The following SLC68A1 variants were observed in gnomAD, a reference collection of about 807,000 sequenced individuals.
SLC68A1 encodes major facilitator superfamily domain containing 13A.
At chr10:102,467,554 G>A in the SLC68A1 span, among the ~76,000 whole-genome samples, 1 of 152,176 alleles carries the variant, frequency 6.6e-6, no homozygotes, top group Admixed American at 6.5e-5. Context: ...TTCTTCAGGG[G>A]GTTCAAGGGC....
chr10:102,468,049 C>G, the SLC68A1 span, among the ~76,000 whole-genome samples: 1 of 151,640 alleles, frequency 6.6e-6, no homozygotes, highest in East Asian at 1.9e-4. Flanking sequence ...AAAAAAATGC[C>G]TGTCCTCACC....
chr10:102,475,649 C>G, the SLC68A1 span: 2 of 1,507,510 alleles, frequency 1.3e-6, no homozygotes, highest in South Asian at 2.6e-5. Context: ...GATGTCACAC[C>G]ATAGACTTGG....
chr10:102,476,009 G>A, the SLC68A1 span: 1 of 1,465,790 alleles, frequency 6.8e-7, no homozygotes, highest in African/African-American at 1.4e-5. Context: ...TCACCCCACT[G>A]AGGATGCTGC....
the SLC68A1 span, among the ~76,000 whole-genome samples, chr10:102,467,614 G>A: frequency 6.6e-6 from 1 of 152,084 alleles, no homozygotes; most frequent in Non-Finnish European, 1.5e-5. Flanking sequence ...GATCACTGTG[G>A]CCCACGGGGG....
the SLC68A1 span, chr10:102,475,834 C>G: frequency 6.2e-7 from 1 of 1,614,104 alleles, no homozygotes; most frequent in Non-Finnish European, 8.5e-7. Flanking sequence ...AGGGCTGCTT[C>G]TACCTGCTGG....
the SLC68A1 span, chr10:102,472,863 T>TGCCACTTCAACA: frequency 6.2e-7 from 1 of 1,614,126 alleles, no homozygotes; most frequent in Non-Finnish European, 8.5e-7. Context: ...GGTCTTCCAC[T>TGCCACTTCAACA]GCCACTTCAA....
At chr10:102,465,114 C>T in the SLC68A1 span, among the ~76,000 whole-genome samples, 46 of 152,166 alleles carry the variant, frequency 3.0e-4, no homozygotes, top group African/African-American at 1.1e-3. Context: ...AAAAATTTGC[C>T]GAGTGTGGTG....
the SLC68A1 span, chr10:102,469,191 C>T: frequency 9.2e-5 from 148 of 1,613,186 alleles, no homozygotes; most frequent in South Asian, 1.9e-4. Context: ...CCTTCTGGGT[C>T]GGAGAGGTAG....
the SLC68A1 span, chr10:102,475,766 G>A: frequency 9.9e-6 from 16 of 1,613,446 alleles, no homozygotes; most frequent in African/African-American, 1.3e-5. Context: ...TGTGGGGAGT[G>A]CCCATCCCTG....
the SLC68A1 span, chr10:102,473,997 C>T: frequency 4.4e-6 from 7 of 1,605,640 alleles, no homozygotes; most frequent in Non-Finnish European, 5.9e-6. Flanking sequence ...CACCTGGCTG[C>T]TCTGTTTCTA....
chr10:102,464,320 G>A, the SLC68A1 span, among the ~76,000 whole-genome samples: 7 of 152,024 alleles, frequency 4.6e-5, no homozygotes, highest in Admixed American at 6.6e-5. Flanking sequence ...GCATGGTGGC[G>A]CACGCCTGTG....
the SLC68A1 span, among the ~76,000 whole-genome samples, chr10:102,465,472 A>T: frequency 6.6e-6 from 1 of 151,796 alleles, no homozygotes; most frequent in African/African-American, 2.4e-5. Context: ...TCCACGTAGC[A>T]GGCACTTGGC....
At chr10:102,464,817 A>AAAAG in the SLC68A1 span, among the ~76,000 whole-genome samples, 16 of 146,564 alleles carry the variant, frequency 1.1e-4, 1 homozygote, top group South Asian at 3.5e-3. Context: ...AGGAAAAAGA[A>AAAAG]AAAGAAAATG....
chr10:102,465,393 C>A, the SLC68A1 span, among the ~76,000 whole-genome samples: 3 of 152,244 alleles, frequency 2.0e-5, no homozygotes, highest in South Asian at 6.2e-4. Flanking sequence ...CCACTGCACT[C>A]CAGCCTGCGT....
the SLC68A1 span, chr10:102,473,805 T>C: frequency 6.2e-7 from 1 of 1,607,902 alleles, no homozygotes; most frequent in Non-Finnish European, 8.5e-7. Flanking sequence ...GCCTGCTCTC[T>C]CCCTCTACTG....
At chr10:102,468,683 C>T in the SLC68A1 span, 1 of 187,706 alleles carries the variant, frequency 5.3e-6, no homozygotes, top group Non-Finnish European at 1.1e-5. Context: ...AAAAAAAAGA[C>T]ATCGAGCATC....
chr10:102,465,439 T>A, the SLC68A1 span, among the ~76,000 whole-genome samples: 1 of 151,474 alleles, frequency 6.6e-6, no homozygotes, highest in Admixed American at 6.6e-5. Flanking sequence ...AAAAAAAAAA[T>A]AGCTGCTGTG....
At chr10:102,471,762 GAA>G in the SLC68A1 span, among the ~76,000 whole-genome samples, 39 of 144,402 alleles carry the variant, frequency 2.7e-4, no homozygotes, top group Middle Eastern at 3.6e-3. Flanking sequence ...CCTTCTCAAA[GAA>G]AAAAAAAAAA....
chr10:102,469,051 G>A, the SLC68A1 span: 1 of 1,613,646 alleles, frequency 6.2e-7, no homozygotes, highest in Non-Finnish European at 8.5e-7. Context: ...TCAGCCCCAG[G>A]CCTGGTTGCT....
Sources: gnomAD v4.1 joint callset for allele counts (sites outside exome capture counted in the v4.1 genomes callset) on GRCh38, gnomAD v4.1.1 for gene constraint, MANE v1.5 for transcripts, NCBI Gene and HGNC (gene_info 2026-07-23, HGNC 2026-07-21) for gene names.